GLIS3: variants seen among roughly 807,000 people sequenced by gnomAD.
The protein encoded by GLIS3 is GLIS family zinc finger 3, also known as zinc finger protein GLIS3.
Under a neutral mutation model 78.6 loss-of-function variants are expected in GLIS3, and 53 were observed. That is an observed-to-expected ratio of 0.67 (90% CI 0.54 to 0.85). The LOEUF (loss-of-function observed/expected upper bound fraction) is 0.85. Ranked by LOEUF, GLIS3 falls within the 40% of genes least tolerant of loss-of-function variation. The probability of loss-of-function intolerance (pLI) is 0.00; values close to 1 mark genes in which losing one functional copy is unlikely to be tolerated. For missense variants in GLIS3, 1,703 were observed against 1,231.1 expected (o/e 1.38, Z -5.74); for synonymous variants, 684 against 509.9 (o/e 1.34, Z -4.60).
At chr9:4,258,621 T>C (rs187045365) in intron 2 of GLIS3, among the ~76,000 whole-genome samples, 1 of 152,288 alleles carries the variant, frequency 6.6e-6, no homozygotes, top group African/African-American at 2.4e-5. Context: ...TTTGAGGACA[T>C]CATCACCAAG....
chr9:3,831,689 T>C (rs1181217065), intron 9 of GLIS3, among the ~76,000 whole-genome samples: 1 of 152,226 alleles, frequency 6.6e-6, no homozygotes, highest in Non-Finnish European at 1.5e-5. Context: ...GCAGCGCTAG[T>C]GATCAAAACA....
At chr9:4,199,505 A>G (rs1003494090) in intron 2 of GLIS3, among the ~76,000 whole-genome samples, 2 of 149,910 alleles carry the variant, frequency 1.3e-5, no homozygotes, top group African/African-American at 4.9e-5. Context: ...ATATGATATA[A>G]CTTATATCAT....
chr9:4,095,276 G>A lies in GLIS3; in HGVS notation c.1710+22492C>T, dbSNP rs563331426. 2.9e-4 allele frequency among the ~76,000 whole-genome samples: 44 copies of A among 152,150 alleles called. 1 individual carries two copies. The highest frequency in any genetic ancestry group is 2.3e-3 in the South Asian group (11 of 4,810). On this transcript the variant is annotated intron_variant, in intron 4 of 10. Coordinates refer to ENST00000381971, the MANE Select transcript of GLIS3 (RefSeq NM_001042413.2). ...ACTTCTGGACATAAATGTTTTAACC[G>A]GGTGTCAACTCATGCTGTACCAAAA...
intron 2 of GLIS3, among the ~76,000 whole-genome samples, chr9:4,278,961 C>G (rs769073032): frequency 6.6e-6 from 1 of 152,148 alleles, no homozygotes; most frequent in Non-Finnish European, 1.5e-5. Flanking sequence ...AAGAAATTAT[C>G]AGACAAACCA....
the GLIS3 span, among the ~76,000 whole-genome samples, chr9:4,479,976 A>G: frequency 7.6e-6 from 1 of 132,136 alleles, no homozygotes; most frequent in African/African-American, 2.9e-5. Flanking sequence ...GCTGGTCTTG[A>G]ACTCCCGACC....
chr9:4,280,607 AT>A (rs1482436562), intron 2 of GLIS3, among the ~76,000 whole-genome samples: 32 of 152,216 alleles, frequency 2.1e-4, no homozygotes, highest in Admixed American at 1.7e-3. Context: ...AATGAATTGT[AT>A]TTAAGAAATA....
At chr9:4,399,564 A>T in the GLIS3 span, among the ~76,000 whole-genome samples, 1 of 152,262 alleles carries the variant, frequency 6.6e-6, no homozygotes, top group Non-Finnish European at 1.5e-5. Flanking sequence ...CATTTCTTTT[A>T]CAACCATAAT....
intron 4 of GLIS3, among the ~76,000 whole-genome samples, chr9:3,940,447 T>C (rs533404056): frequency 6.6e-6 from 1 of 152,168 alleles, no homozygotes; most frequent in Non-Finnish European, 1.5e-5. Flanking sequence ...AGGTCAAAAC[T>C]GTCAACTAAT....
the GLIS3 span, among the ~76,000 whole-genome samples, chr9:4,435,977 A>AC: frequency 2.0e-5 from 3 of 151,400 alleles, no homozygotes; most frequent in African/African-American, 4.8e-5. Context: ...ACAAAACAAA[A>AC]ACAAACAAAT....
At chr9:4,166,705 G>A (rs1056418796) in intron 2 of GLIS3, among the ~76,000 whole-genome samples, 2 of 152,182 alleles carry the variant, frequency 1.3e-5, no homozygotes, top group African/African-American at 4.8e-5. Context: ...TAAGGATTCC[G>A]TGGCTACACA....
intron 6 of GLIS3, among the ~76,000 whole-genome samples, chr9:3,909,539 G>C (rs1204630321): frequency 6.6e-6 from 1 of 152,016 alleles, no homozygotes; most frequent in Non-Finnish European, 1.5e-5. Flanking sequence ...ATCTGTATAG[G>C]GGATACCTAT....
chr9:4,392,937 CT>C, the GLIS3 span, among the ~76,000 whole-genome samples: 722 of 146,266 alleles, frequency 4.9e-3, 3 homozygotes, highest in Middle Eastern at 7.0e-3. Flanking sequence ...TATATTGGAT[CT>C]TTTTTTTTTT....
chr9:4,337,459 T>C (rs538250779), intron 2 of GLIS3, among the ~76,000 whole-genome samples: 1 of 152,326 alleles, frequency 6.6e-6, no homozygotes, highest in East Asian at 1.9e-4. Context: ...AGTATTTTCA[T>C]ACTTTTGATT....
chr9:4,092,648 A>C (rs934515384), intron 4 of GLIS3, among the ~76,000 whole-genome samples: 2 of 152,190 alleles, frequency 1.3e-5, no homozygotes, highest in East Asian at 3.9e-4. Flanking sequence ...TCCACATCTC[A>C]TCCCACTGGA....
the GLIS3 span, among the ~76,000 whole-genome samples, chr9:4,435,685 C>G: frequency 2.0e-5 from 3 of 152,248 alleles, no homozygotes; most frequent in Admixed American, 2.0e-4. Context: ...CGCGGTGGCT[C>G]ACGCCTGTAA....
At chr9:3,933,989 C>G (rs1465815104) in intron 5 of GLIS3, among the ~76,000 whole-genome samples, 6 of 152,132 alleles carry the variant, frequency 3.9e-5, no homozygotes, top group Non-Finnish European at 8.8e-5. Flanking sequence ...TTGAATCACT[C>G]AAAAGTATGC....
At chr9:3,885,481 C>T (rs148592015) in intron 7 of GLIS3, among the ~76,000 whole-genome samples, 30 of 152,264 alleles carry the variant, frequency 2.0e-4, no homozygotes, top group African/African-American at 7.2e-4. Context: ...ACTGTGAATT[C>T]ACGTATAAGT....
At chr9:4,062,561 T>C (rs768262372) in intron 4 of GLIS3, among the ~76,000 whole-genome samples, 1 of 152,214 alleles carries the variant, frequency 6.6e-6, no homozygotes, top group Non-Finnish European at 1.5e-5. Context: ...AGCCTCATTT[T>C]CATACCTATA....
chr9:4,237,300 T>C (rs1822855390), intron 2 of GLIS3, among the ~76,000 whole-genome samples: 2 of 152,128 alleles, frequency 1.3e-5, no homozygotes, highest in Admixed American at 1.3e-4. Context: ...AGACGGAATA[T>C]TACACAGCCA....
Sources: allele counts gnomAD v4.1 joint callset (sites outside exome capture counted in the v4.1 genomes callset), GRCh38; gene constraint gnomAD v4.1.1; transcripts MANE v1.5; gene names NCBI Gene and HGNC (gene_info 2026-07-23, HGNC 2026-07-21).